The following PEX5 variants were observed in gnomAD, a reference collection of about 807,000 sequenced individuals.
The protein encoded by PEX5 is peroxisomal biogenesis factor 5.
Under a neutral mutation model 82.9 loss-of-function variants are expected in PEX5, and 52 were observed. The observed-to-expected ratio is 0.63, with a 90% CI of 0.50 to 0.79. The LOEUF is 0.79. Ranked by LOEUF, PEX5 falls within the 30% of genes least tolerant of loss-of-function variation. PEX5 has a pLI of 0.00. For missense variants in PEX5, 719 were observed against 815.2 expected, an observed-to-expected ratio of 0.88 and a Z score of 1.44; for synonymous variants, 300 against 318.8, an observed-to-expected ratio of 0.94 and a Z score of 0.63.
chr12:7,191,549 T>C lies in PEX5; in HGVS notation c.317-20T>C. On this transcript the variant is annotated intron_variant, in intron 4 of 15. Coordinates refer to ENST00000675855, the MANE Select transcript of PEX5 (RefSeq NM_001351132.2). The stretch of plus-strand genomic sequence containing the variant: ...GGTATGTATGTATTCTTTCTTAGTT[T>C]TCTCTCTCTCTCTTTTAAGCCCCTG... 6.2e-7 allele frequency: 1 copy of C among 1,612,938 alleles called. No homozygotes were observed. Among genetic ancestry groups the C allele is most frequent in the Non-Finnish European group, 8.5e-7 (1 of 1,179,170 alleles).
At chr12:7,216,278 A>T (rs749849034), downstream of PEX5, among the ~76,000 whole-genome samples, 11 of 152,306 alleles carry the variant, frequency 7.2e-5, no homozygotes, top group African/African-American at 2.6e-4. Flanking sequence ...CAAATTCCTT[A>T]AACACTCACA....
intron 11 of PEX5, 46 bp downstream of exon 11, chr12:7,207,848 C>T: frequency 6.2e-7 from 1 of 1,608,194 alleles, no homozygotes; most frequent in Non-Finnish European, 8.5e-7. Flanking sequence ...CTGCTTCCTC[C>T]ATCTTGAGAA....
intron 5 of PEX5, among the ~76,000 whole-genome samples, 178 bp from the exon 6 acceptor site, chr12:7,198,833 A>G (rs927557499): frequency 6.6e-6 from 1 of 152,146 alleles, no homozygotes; most frequent in African/African-American, 2.4e-5. Flanking sequence ...TTGGATATTG[A>G]GGATGTTGAA....
At position 7,210,179 on chromosome 12, in the gene PEX5, C is replaced by T. The variant is rs148040746; in HGVS notation, c.1876C>T (p.Arg626Trp). 57 of 1,614,096 alleles carry T rather than the reference C, an allele frequency of 3.5e-5. No homozygotes were observed. The highest frequency in any genetic ancestry group is 3.3e-4 in the Middle Eastern group (2 of 6,084). ...CGATGCCTATGGGGCAGCCGACGCG[C>T]GGGATCTGTCCACCCTCCTAACTAT... The part of the protein sequence containing the change: ...QSDAYGAADA[R>W]DLSTLLTMFG... Residue 626 changes from arginine to tryptophan, a missense_variant, in exon 16 of 16, where the codon CGG (arginine) becomes TGG (tryptophan). Arg to Trp is a moderately radical substitution (Grantham distance 101). Coordinates refer to ENST00000675855, the MANE Select transcript of PEX5 (RefSeq NM_001351132.2).
Position 7,189,704 on chromosome 12 carries a change from A to C in PEX5, c.-63A>C, listed in dbSNP as rs1466944710. Reference sequence around the variant, plus strand: ...CCGCCCCCTCTTCTCCCCTCCCCCAAGCCAGCACCTGGTGCCCCGGCGGGT... The same window carrying C: ...CCGCCCCCTCTTCTCCCCTCCCCCACGCCAGCACCTGGTGCCCCGGCGGGT... On this transcript the variant is annotated 5_prime_UTR_variant, in exon 1 of 16. Transcript: ENST00000675855. 1 of 373,808 alleles carries C rather than the reference A, an allele frequency of 2.7e-6. No homozygotes were observed. Among genetic ancestry groups the C allele is most frequent in the Non-Finnish European group, 4.7e-6 (1 of 213,212 alleles). 23.2% of individuals were successfully genotyped at this position (373,808 alleles called of 1,614,324 possible).
chr12:7,199,161 G>T, intron 6 of PEX5, 48 bp downstream of exon 6: 5 of 926,390 alleles, frequency 5.4e-6, no homozygotes, highest in Non-Finnish European at 8.5e-6. Context: ...AGTATGGACA[G>T]TTTTCCCAGC....
chr12:7,201,012 T>G (rs1943829708), intron 6 of PEX5, among the ~76,000 whole-genome samples: 1 of 152,098 alleles, frequency 6.6e-6, no homozygotes, highest in African/African-American at 2.4e-5. Context: ...GACACAGTGG[T>G]TGTGTGCCTG....
At chr12:7,199,854 G>A (rs1409877361) in intron 6 of PEX5, among the ~76,000 whole-genome samples, 1 of 113,382 alleles carries the variant, frequency 8.8e-6, no homozygotes, top group African/African-American at 3.2e-5. Context: ...CCTCCCTCCC[G>A]GACGGGGCGG....
Position 7,191,259 on chromosome 12 carries a change from C to T in PEX5, c.217C>T (p.Pro73Ser). 1 of 1,614,110 alleles carries T rather than the reference C, an allele frequency of 6.2e-7. No homozygotes were observed. Among genetic ancestry groups the T allele is most frequent in the Non-Finnish European group, 8.5e-7 (1 of 1,179,982 alleles). The change falls in exon 4 of 16, where the codon CCC becomes TCC. Residue 73 changes from proline (P) to serine (S), a missense_variant. Transcript: ENST00000675855. ...VAEFLQDQNA[P>S]LVSRAPQTFK... ...TGAATTCCTGCAGGACCAGAATGCA[C>T]CCCTTGTGTCCCGTGCCCCTCAGAC...
In PEX5 at chr12:7,199,058, C is replaced by G. The variant is rs751043763; in HGVS notation, c.496C>G (p.Gln166Glu). The change falls in exon 6 of 16, where the codon CAA (glutamine) becomes GAA (glutamate). Residue 166 changes from glutamine (Q) to glutamate (E), a missense_variant. Physicochemically the swap from Gln to Glu is conservative, Grantham distance 29 (BLOSUM62 2). Transcript: ENST00000675855. ...PARWAEEYLE[Q>E]SEEKLWLGEP... Reference sequence around the variant, plus strand: ...CCGCTGGGCTGAGGAATATTTGGAGCAATCAGAGGAGAAGCTGTGGCTGGG... The same window carrying G: ...CCGCTGGGCTGAGGAATATTTGGAGGAATCAGAGGAGAAGCTGTGGCTGGG... 8.0e-5 allele frequency: 129 copies of G among 1,610,182 alleles called. No individual in the cohort carries two copies. The highest frequency in any genetic ancestry group is 6.6e-5 in the Non-Finnish European group (78 of 1,177,968).
At chr12:7,192,945 A>G (rs1036146126) in intron 5 of PEX5, among the ~76,000 whole-genome samples, 3 of 152,222 alleles carry the variant, frequency 2.0e-5, no homozygotes, top group African/African-American at 7.2e-5. Context: ...AAATCTAAAA[A>G]CTAAAACTCA....
At chr12:7,197,330 TGTAATAATTATATATGTCATATAC>T (rs1942808456) in intron 5 of PEX5, among the ~76,000 whole-genome samples, 1 of 130,480 alleles carries the variant, frequency 7.7e-6, no homozygotes, top group Non-Finnish European at 1.6e-5. Context: ...TCATATACAA[TGTAATAATTATATATGTCATATAC>T]AATGTAATAA....
downstream of PEX5, among the ~76,000 whole-genome samples, chr12:7,213,394 G>A (rs1037842687): frequency 2.1e-5 from 3 of 145,332 alleles, no homozygotes; most frequent in Non-Finnish European, 4.5e-5. Context: ...ATAGATCAAT[G>A]GAACAGAACA....
At chr12:7,200,000 G>C in intron 6 of PEX5, among the ~76,000 whole-genome samples, 1 of 128,796 alleles carries the variant, frequency 7.8e-6, no homozygotes, top group South Asian at 2.6e-4. Flanking sequence ...CCTCCCGGAC[G>C]GGGCGGCTGG....
chr12:7,191,746 A>G, intron 5 of PEX5, 46 bp downstream of exon 5: 1 of 1,559,000 alleles, frequency 6.4e-7, no homozygotes, highest in Non-Finnish European at 8.8e-7. Context: ...TATGGGACAG[A>G]ATTCTATACC....
chr12:7,203,319 T>G (rs1264658596), intron 9 of PEX5, 113 bp from the exon 10 acceptor site: 1 of 1,247,796 alleles, frequency 8.0e-7, no homozygotes, highest in African/African-American at 1.5e-5. Flanking sequence ...AGATGATTCT[T>G]AAACATATTG....
At chr12:7,214,948 C>A (rs931356884), downstream of PEX5, among the ~76,000 whole-genome samples, 6 of 151,964 alleles carry the variant, frequency 3.9e-5, no homozygotes, top group African/African-American at 1.5e-4. Flanking sequence ...CATCAATGAG[C>A]AATACAATTA....
At chr12:7,200,294 T>C (rs1277692019) in intron 6 of PEX5, among the ~76,000 whole-genome samples, 1 of 138,914 alleles carries the variant, frequency 7.2e-6, no homozygotes, top group East Asian at 2.2e-4. Context: ...AGACGATGGG[T>C]GGTCGGGCAG....
At chr12:7,215,371 A>G (rs1945748230), downstream of PEX5, among the ~76,000 whole-genome samples, 1 of 152,206 alleles carries the variant, frequency 6.6e-6, no homozygotes, top group South Asian at 2.1e-4. Context: ...CTACCATTTG[A>G]CCAAGTAGTC....
Sources: gnomAD v4.1 joint callset for allele counts (sites outside exome capture counted in the v4.1 genomes callset) on GRCh38, gnomAD v4.1.1 for gene constraint, MANE v1.5 for transcripts, NCBI Gene and HGNC (gene_info 2026-07-23, HGNC 2026-07-21) for gene names.